Variants in TEX11 observed in about 807,000 individuals in gnomAD.
TEX11 encodes testis expressed 11.
A neutral mutation model predicts 84.4 loss-of-function variants in TEX11; 7 were observed. That is an observed-to-expected ratio of 0.08 (90% CI 0.05 to 0.16). TEX11 has a LOEUF of 0.16. Ranked by LOEUF, TEX11 falls within the 10% of genes least tolerant of loss-of-function variation. TEX11 has a pLI of 1.00. For synonymous variants in TEX11, 264 were observed against 222.8 expected (o/e 1.18, Z -1.64); for missense variants, 551 against 660.5 (o/e 0.83, Z 1.82).
At chrX:70,711,473 TC>T (rs1220543545) in intron 13 of TEX11, among the ~76,000 whole-genome samples, 1 of 110,031 alleles carries the variant, frequency 9.1e-6, no homozygotes, top group African/African-American at 3.3e-5. Context: ...TTTTTAATGA[TC>T]GCCATTCTAA....
chrX:70,658,847 G>GATA (rs1183723749), intron 16 of TEX11, among the ~76,000 whole-genome samples: 1 of 111,439 alleles, frequency 9.0e-6, no homozygotes, highest in Non-Finnish European at 1.9e-5. Flanking sequence ...ATAGTACTGA[G>GATA]ATAAGGACTG....
chrX:70,904,292 A>G (rs1267823711), intron 2 of TEX11, among the ~76,000 whole-genome samples: 1 of 111,495 alleles, frequency 9.0e-6, no homozygotes, highest in African/African-American at 3.3e-5. Context: ...GAAAACTCAA[A>G]CAGCCAGTAA....
intron 2 of TEX11, chrX:70,897,666 A>AGGAAGG (rs2091778116): frequency 1.0e-4 from 8 of 80,205 alleles, no homozygotes; most frequent in East Asian, 4.2e-4. Context: ...GAAGGAAGGA[A>AGGAAGG]AACAAAGAAA....
In TEX11 at chrX:70,539,038, A is replaced by ATATATATATTTTTT; in HGVS notation, c.2521-9040_2521-9039insAAAAAATATATATA. 8.0e-3 allele frequency among the ~76,000 whole-genome samples: 329 copies of ATATATATATTTTTT among 41,231 alleles called. 5 individuals carry two copies. Among genetic ancestry groups the ATATATATATTTTTT allele is most frequent in the Non-Finnish European group, 0.01 (255 of 24,581 alleles). 35.8% of individuals were successfully genotyped at this position (41,231 alleles called of 115,157 possible). ...CTTGGAAATATATATATATATATATATTTTTTTTTTTTTTAAGATGGAGTC... is the reference window on the plus strand; with the variant it reads ...CTTGGAAATATATATATATATATATATATATATATTTTTTTTTTTTTTTTTTTTAAGATGGAGTC... On this transcript the variant is annotated intron_variant, in intron 28 of 29. Transcript: ENST00000374333.
At chrX:70,785,363 A>T (rs1489790415) in intron 9 of TEX11, among the ~76,000 whole-genome samples, 1 of 111,978 alleles carries the variant, frequency 8.9e-6, no homozygotes, top group African/African-American at 3.2e-5. Context: ...ACCATAAAAA[A>T]CCTAGAAGAA....
chrX:70,521,611 C>T, the TEX11 span, among the ~76,000 whole-genome samples: 16 of 111,473 alleles, frequency 1.4e-4, no homozygotes, highest in African/African-American at 5.2e-4. Flanking sequence ...GACGATATTA[C>T]CCCTCAGAAC....
chrX:70,664,618 A>G (rs1271438921), intron 16 of TEX11, among the ~76,000 whole-genome samples: 2 of 111,098 alleles, frequency 1.8e-5, no homozygotes, highest in Admixed American at 9.6e-5. Flanking sequence ...TTGTTTCTGC[A>G]TTAATATTTT....
intron 13 of TEX11, among the ~76,000 whole-genome samples, chrX:70,713,732 C>CA (rs2090465281): frequency 9.0e-6 from 1 of 110,584 alleles, no homozygotes; most frequent in Admixed American, 9.7e-5. Flanking sequence ...TTGATCTTTT[C>CA]AAAAAACCAG....
rs200703339 is a variant in TEX11 at position 70,641,550 on chromosome X, C to G, written c.1483+9900G>C. ...TCTCCTCAGCAAATGTAAAAGAACA[C>G]AAATTATAACAAACTATCTCTCAGT... On this transcript the variant is annotated intron_variant, in intron 17 of 29. Coordinates refer to ENST00000374333, the MANE Select transcript of TEX11 (RefSeq NM_031276.3). Among the ~76,000 whole-genome samples the G allele has an allele frequency of 6.3e-5, 7 of 111,141 alleles. No individual in the cohort carries two copies. In the East Asian group the frequency reaches 1.7e-3, roughly 27 times the overall value.
intron 9 of TEX11, among the ~76,000 whole-genome samples, chrX:70,752,984 C>T (rs981333896): frequency 1.8e-5 from 2 of 110,299 alleles, no homozygotes; most frequent in Admixed American, 9.7e-5. Context: ...TCTCAGCTGA[C>T]GCCTGCCCGT....
At chrX:70,559,094 G>T (rs1475967778) in intron 25 of TEX11, among the ~76,000 whole-genome samples, 1 of 111,799 alleles carries the variant, frequency 8.9e-6, no homozygotes, top group African/African-American at 3.2e-5. Flanking sequence ...GTGAAAATAG[G>T]TCCACACAAA....
At chrX:70,539,038 A>ATATATATATTTTTTTTT in intron 28 of TEX11, among the ~76,000 whole-genome samples, 5 of 41,255 alleles carry the variant, frequency 1.2e-4, no homozygotes, top group African/African-American at 4.6e-4. Flanking sequence ...ATATATATAT[A>ATATATATATTTTTTTTT]TTTTTTTTTT....
chrX:70,723,109 T>C (rs1444354660), intron 12 of TEX11, among the ~76,000 whole-genome samples: 1 of 111,726 alleles, frequency 9.0e-6, no homozygotes, highest in African/African-American at 3.2e-5. Flanking sequence ...CTCAGGGTTG[T>C]TGAGAGGATT....
chrX:70,834,913 T>C (rs2091397449), intron 7 of TEX11, among the ~76,000 whole-genome samples: 1 of 111,585 alleles, frequency 9.0e-6, no homozygotes, highest in Non-Finnish European at 1.9e-5. Flanking sequence ...AAGAATTGAG[T>C]AGACAGAAGA....
intron 13 of TEX11, among the ~76,000 whole-genome samples, chrX:70,703,789 C>T (rs1341074571): frequency 1.8e-5 from 2 of 111,860 alleles, no homozygotes; most frequent in Non-Finnish European, 3.8e-5. Flanking sequence ...TATCGCACTG[C>T]AATTAAGAGT....
intron 9 of TEX11, among the ~76,000 whole-genome samples, chrX:70,794,377 G>C (rs1040803732): frequency 9.0e-6 from 1 of 111,318 alleles, no homozygotes; most frequent in Admixed American, 9.5e-5. Context: ...CATTGCTGTC[G>C]GCTAAAGTGC....
At chrX:70,813,550 G>A (rs1176911724) in intron 8 of TEX11, among the ~76,000 whole-genome samples, 5 of 111,173 alleles carry the variant, frequency 4.5e-5, no homozygotes, top group Admixed American at 2.9e-4. Flanking sequence ...AGAGAGGGAT[G>A]CCCTCTCTCA....
chrX:70,640,426 A>G (rs1304845361), intron 17 of TEX11, among the ~76,000 whole-genome samples: 13 of 105,313 alleles, frequency 1.2e-4, no homozygotes, highest in African/African-American at 4.5e-4. Context: ...GAACGCCACA[A>G]AGATACTCCT....
intron 2 of TEX11, among the ~76,000 whole-genome samples, chrX:70,891,981 G>A (rs1457018827): frequency 9.0e-6 from 1 of 111,458 alleles, no homozygotes; most frequent in Admixed American, 9.6e-5. Context: ...GGCAGCCAGA[G>A]AGAAAGATCA....
Sources: gnomAD v4.1 joint callset for allele counts (sites outside exome capture counted in the v4.1 genomes callset) on GRCh38, gnomAD v4.1.1 for gene constraint, MANE v1.5 for transcripts, NCBI Gene and HGNC (gene_info 2026-07-23, HGNC 2026-07-21) for gene names.